CPS1: variants seen among roughly 807,000 people sequenced by gnomAD.
The protein encoded by CPS1 is carbamoyl-phosphate synthase 1.
In CPS1, 109 loss-of-function variants were observed where a neutral mutation model predicts 174.6. That is an observed-to-expected ratio of 0.62 (90% CI 0.53 to 0.73). CPS1 has a LOEUF of 0.73. Ranked by LOEUF, CPS1 falls within the 30% of genes least tolerant of loss-of-function variation. The pLI is 0.00. For missense variants in CPS1, 1,689 were observed against 1,821.9 expected (o/e 0.93, Z 1.33); for synonymous variants, 637 against 632.0 (o/e 1.01, Z -0.12).
intron 1 of CPS1, among the ~76,000 whole-genome samples, chr2:210,506,901 T>C (rs889262748): frequency 1.2e-4 from 18 of 152,326 alleles, no homozygotes; most frequent in African/African-American, 4.3e-4. Flanking sequence ...CTATGTCTGA[T>C]TGGTGTACCT....
At chr2:210,637,173 A>C (rs1026038457) in intron 21 of CPS1, among the ~76,000 whole-genome samples, 4 of 152,176 alleles carry the variant, frequency 2.6e-5, no homozygotes, top group Non-Finnish European at 5.9e-5. Flanking sequence ...GAGAGAGGGA[A>C]GACAAAAGCA....
Position 210,576,405 on chromosome 2 carries a change from C to G in CPS1, c.296C>G (p.Pro99Arg). 6.2e-7 allele frequency: 1 copy of G among 1,613,740 alleles called. No homozygotes were observed. The highest frequency in any genetic ancestry group is 8.5e-7 in the Non-Finnish European group (1 of 1,179,748). ...YKGQILTMAN[P>R]IIGNGGAPDT... ...GGACAGATTCTCACAATGGCCAACC[C>G]TATTATTGGGAATGGTGGAGCTCCT... Residue 99 changes from proline to arginine, a missense_variant, in exon 3 of 38, where the codon CCT (proline) becomes CGT (arginine). Physicochemically the swap from Pro to Arg is moderately radical, Grantham distance 103. Coordinates refer to ENST00000233072, the MANE Select transcript of CPS1 (RefSeq NM_001875.5).
intron 1 of CPS1, among the ~76,000 whole-genome samples, chr2:210,509,174 T>G (rs1695379892): frequency 6.6e-6 from 1 of 152,306 alleles, no homozygotes; most frequent in South Asian, 2.1e-4. Flanking sequence ...TCAAAAAGCT[T>G]ATCCACCATG....
At chr2:210,672,944 G>GT (rs1701361861) in intron 34 of CPS1, 1 of 152,152 alleles carries the variant, frequency 6.6e-6, no homozygotes, top group Non-Finnish European at 1.5e-5. Flanking sequence ...TTAGGATTTA[G>GT]ATCTGTGCTC....
chr2:210,653,957 A>G (rs985911224), intron 28 of CPS1, 68 bp from the exon 29 acceptor site: 1 of 1,221,186 alleles, frequency 8.2e-7, no homozygotes, highest in Non-Finnish European at 1.2e-6. Flanking sequence ...CTTAAAGTAC[A>G]TGGCTTATTG....
chr2:210,667,118 GCT>G (rs1471368289), intron 33 of CPS1, among the ~76,000 whole-genome samples: 24 of 151,666 alleles, frequency 1.6e-4, no homozygotes, highest in Non-Finnish European at 3.1e-4. Context: ...TCATGATTTG[GCT>G]CTCTGTTTGT....
intron 2 of CPS1, among the ~76,000 whole-genome samples, chr2:210,576,004 T>C (rs1697695788): frequency 6.6e-6 from 1 of 152,068 alleles, no homozygotes; most frequent in African/African-American, 2.4e-5. Flanking sequence ...GGGAAATCTT[T>C]AGAGTATCTG....
At chr2:210,564,455 A>C (rs1235991813) in intron 1 of CPS1, among the ~76,000 whole-genome samples, 1 of 151,696 alleles carries the variant, frequency 6.6e-6, no homozygotes, top group Non-Finnish European at 1.5e-5. Context: ...GGCTCACTGC[A>C]AGGTCCGCCT....
rs1559055815 is a variant in CPS1, at chr2:210,512,763, T to TATATATATATATATATGGAGAGAGAG, written c.3+35013_3+35014insGGAGAGAGAGATATATATATATATAT. The stretch of plus-strand genomic sequence containing the variant: ...ATATATATATATATATATATATATA[T>TATATATATATATATATGGAGAGAGAG]ATATATATATATATATATATATGGA... On this transcript the variant is annotated intron_variant, in intron 1 of 38. Coordinates refer to the CPS1 transcript ENST00000430249. Among the ~76,000 whole-genome samples, 17 of 111,130 alleles carry TATATATATATATATATGGAGAGAGAG rather than the reference T, an allele frequency of 1.5e-4. 1 individual carries two copies. Among genetic ancestry groups the TATATATATATATATATGGAGAGAGAG allele is most frequent in the African/African-American group, 6.3e-4 (16 of 25,452 alleles). 72.9% of individuals were successfully genotyped at this position (111,130 alleles called of 152,430 possible).
At chr2:210,581,241 G>A (rs1427338471) in intron 5 of CPS1, among the ~76,000 whole-genome samples, 3 of 152,092 alleles carry the variant, frequency 2.0e-5, no homozygotes, top group Non-Finnish European at 1.5e-5. Context: ...GGCAGAATTG[G>A]CAGGTTGAAT....
intron 1 of CPS1, among the ~76,000 whole-genome samples, chr2:210,486,235 A>G (rs996686340): frequency 2.0e-5 from 3 of 151,228 alleles, no homozygotes; most frequent in Non-Finnish European, 4.4e-5. Flanking sequence ...TTAAATTGGG[A>G]TGTTTATTTA....
rs377040861 is a variant in CPS1, at chr2:210,590,190, G to T, written c.796G>T (p.Gly266Trp). The stretch of plus-strand genomic sequence containing the variant: ...TGGGATTTTGATCGCGGGAGGACCG[G>T]GGAACCCAGCTCTTGCAGAACCACT... ...YDGILIAGGP[G>W]NPALAEPLIQ... The change falls in exon 8 of 38, where the codon GGG (glycine) becomes TGG (tryptophan). Residue 266 changes from glycine (G) to tryptophan (W), a missense_variant. Gly to Trp is a radical substitution (Grantham distance 184). Transcript: ENST00000233072. The T allele has an allele frequency of 6.2e-7, 1 of 1,612,754 alleles. No homozygotes were observed. Among genetic ancestry groups the T allele is most frequent in the Non-Finnish European group, 8.5e-7 (1 of 1,179,216 alleles).
rs2106079710 is a variant in CPS1 at position 210,576,452 on chromosome 2, CTGGGACT to C, written c.345_351del (p.Gly116AlafsTer32). 1 of 1,613,662 alleles carries C rather than the reference CTGGGACT, an allele frequency of 6.2e-7. No individual in the cohort carries two copies. ...TCCTGATACTACTGCTCTGGATGAA[CTGGGACT>C]TAGCAAATATTTGGAGTCTAATGGA... On this transcript the variant is annotated frameshift_variant, in exon 3 of 38. Coordinates refer to ENST00000233072, the MANE Select transcript of CPS1 (RefSeq NM_001875.5). LOFTEE classifies it high-confidence loss of function.
intron 1 of CPS1, among the ~76,000 whole-genome samples, chr2:210,503,853 A>G (rs180992106): frequency 6.7e-4 from 102 of 151,778 alleles, no homozygotes; most frequent in Admixed American, 6.5e-3. Context: ...TTACAGCACA[A>G]TTCGGGTGAC....
At chr2:210,488,231 CAG>C (rs1290536807) in intron 1 of CPS1, among the ~76,000 whole-genome samples, 1 of 151,670 alleles carries the variant, frequency 6.6e-6, no homozygotes, top group Non-Finnish European at 1.5e-5. Flanking sequence ...GAGAAAAAAT[CAG>C]AACCGAATCA....
chr2:210,520,915 T>A (rs1042597839), intron 1 of CPS1, among the ~76,000 whole-genome samples: 1 of 152,062 alleles, frequency 6.6e-6, no homozygotes, highest in Admixed American at 6.6e-5. Flanking sequence ...AGAGCATTCA[T>A]GTGCAAAAGT....
intron 21 of CPS1, among the ~76,000 whole-genome samples, chr2:210,623,100 C>T (rs1699583556): frequency 6.6e-6 from 1 of 152,016 alleles, no homozygotes; most frequent in Non-Finnish European, 1.5e-5. Flanking sequence ...GGTTTTCTAC[C>T]ATTTATGATG....
In CPS1 at chr2:210,579,716, T is replaced by C. The variant is rs1697846903; in HGVS notation, c.474T>C (p.Val158=). 1 of 1,612,616 alleles carries C rather than the reference T, an allele frequency of 6.2e-7. No individual in the cohort carries two copies. The highest frequency in any genetic ancestry group is 1.7e-5 in the Admixed American group (1 of 59,972). The change falls in exon 5 of 38, where the codon GTT becomes GTC. Residue 158 remains valine (V), a splice_region_variant and synonymous_variant. Coordinates refer to ENST00000233072, the MANE Select transcript of CPS1 (RefSeq NM_001875.5). ...TCACTACAATTTTTTTCTTATAGGT[T>C]CCTGCAATTTATGGAGTGGACACAA... The part of the protein sequence containing the change: ...SLGQWLQEEK[V]PAIYGVDTRM...
chr2:210,541,906 C>G (rs953002413), intron 1 of CPS1, among the ~76,000 whole-genome samples: 3 of 152,038 alleles, frequency 2.0e-5, no homozygotes, highest in Admixed American at 6.6e-5. Flanking sequence ...GTAAACCATC[C>G]CATTCCTATG....
Sources: gnomAD v4.1 joint callset for allele counts (sites outside exome capture counted in the v4.1 genomes callset) on GRCh38, gnomAD v4.1.1 for gene constraint, MANE v1.5 for transcripts, NCBI Gene and HGNC (gene_info 2026-07-23, HGNC 2026-07-21) for gene names.